Variants in PARP2 observed in about 807,000 individuals in gnomAD.
PARP2 encodes poly [ADP-ribose] polymerase 2.
A neutral mutation model predicts 77.8 loss-of-function variants in PARP2; 57 were observed. That is an observed-to-expected ratio of 0.73 (90% CI 0.59 to 0.91). PARP2 has a LOEUF of 0.91. PARP2 is among the 40% of genes least tolerant of loss of function. The probability of loss-of-function intolerance (pLI) is 0.00; values close to 1 mark genes in which losing one functional copy is unlikely to be tolerated. For synonymous variants in PARP2, 226 were observed against 242.6 expected (o/e 0.93, Z 0.64); for missense variants, 651 against 689.0 (o/e 0.94, Z 0.62).
At chr14:20,354,368 G>A in intron 8 of PARP2, 121 bp downstream of exon 8, 1 of 835,538 alleles carries the variant, frequency 1.2e-6, no homozygotes, top group South Asian at 1.8e-5. Context: ...AATGGGATTT[G>A]GGGTGACAGG....
At position 20,356,646 on chromosome 14, in the gene PARP2, G is replaced by A. The variant is rs780183224; in HGVS notation, c.1286G>A (p.Gly429Glu). Residue 429 changes from glycine to glutamate, a missense_variant, in exon 13 of 16, where the codon GGG becomes GAG. Coordinates refer to ENST00000429687, the MANE Select transcript of PARP2 (RefSeq NM_001042618.2). Reference protein sequence around the residue: ...MSNWVGILSHGLRIAPPEAPI... With the variant: ...MSNWVGILSHELRIAPPEAPI... ...AACTGGGTGGGAATCTTGAGCCATG[G>A]GCTTCGAATTGCCCCACCTGAAGCT... 1.9e-6 allele frequency: 3 copies of A among 1,614,074 alleles called. No homozygotes were observed. The highest frequency in any genetic ancestry group is 2.5e-6 in the Non-Finnish European group (3 of 1,179,986).
intron 4 of PARP2, 74 bp downstream of exon 4, chr14:20,346,987 C>A: frequency 4.3e-6 from 4 of 938,804 alleles, no homozygotes; most frequent in Non-Finnish European, 6.9e-6. Context: ...GATAGCATCA[C>A]AGTGTTCAGA....
chr14:20,354,433 A>G (rs1301146939), intron 8 of PARP2, among the ~76,000 whole-genome samples, 186 bp downstream of exon 8: 1 of 152,276 alleles, frequency 6.6e-6, no homozygotes, highest in Non-Finnish European at 1.5e-5. Flanking sequence ...GTGATGGGTC[A>G]TGCCTATAAT....
chr14:20,356,209 A>T, intron 11 of PARP2, 98 bp from the exon 12 acceptor site: 1 of 1,472,398 alleles, frequency 6.8e-7, no homozygotes, highest in Non-Finnish European at 9.3e-7. Flanking sequence ...GTTTGGGAGC[A>T]GAAAGGTCTG....
chr14:20,353,419 AT>A (rs964849018), intron 7 of PARP2, among the ~76,000 whole-genome samples: 1 of 150,526 alleles, frequency 6.6e-6, no homozygotes, highest in African/African-American at 2.4e-5. Flanking sequence ...TTTTTTTTGT[AT>A]TTTTAGTAGA....
At chr14:20,356,972 A>G (rs916374931) in intron 13 of PARP2, 79 bp from the exon 14 acceptor site, 4 of 915,418 alleles carry the variant, frequency 4.4e-6, no homozygotes, top group Non-Finnish European at 7.3e-6. Flanking sequence ...GGGAATGGAA[A>G]AACAGGGTCA....
At chr14:20,345,330 T>G (rs1345564026) in intron 2 of PARP2, 64 bp from the exon 3 acceptor site, 1 of 1,426,048 alleles carries the variant, frequency 7.0e-7, no homozygotes, top group African/African-American at 1.4e-5. Context: ...CCTGACAAGT[T>G]TCTGTTTTAC....
At chr14:20,353,079 C>G (rs1272576597) in intron 7 of PARP2, 1 of 151,566 alleles carries the variant, frequency 6.6e-6, no homozygotes, top group African/African-American at 2.4e-5. Flanking sequence ...AGGGTTTCAT[C>G]ATGTTGGCCA....
At chr14:20,357,218 AC>A (rs1884190999) in intron 14 of PARP2, 69 bp downstream of exon 14, 5 of 1,373,632 alleles carry the variant, frequency 3.6e-6, no homozygotes, top group Non-Finnish European at 5.2e-6. Flanking sequence ...GAAAAGTTTG[AC>A]CCCAGAACCA....
chr14:20,343,661 G>A lies in PARP2; in HGVS notation c.20G>A (p.Arg7Gln), dbSNP rs754797447. The A allele has an allele frequency of 2.5e-6, 4 of 1,610,686 alleles. No individual in the cohort carries two copies. In the African/African-American group the frequency reaches 4.0e-5, roughly 16 times the overall value. Residue 7 changes from arginine (R) to glutamine (Q), a missense_variant, in exon 1 of 16, where the codon CGG (arginine) becomes CAG (glutamine). Arg to Gln is a conservative substitution (Grantham distance 43, BLOSUM62 1). Coordinates refer to ENST00000429687, the MANE Select transcript of PARP2 (RefSeq NM_001042618.2). Reference sequence around the variant, plus strand: ...AATTCCATGGCGGCGCGGCGGCGACGGAGCACCGGCGGCGGCAGGGCGAGA... The same window carrying A: ...AATTCCATGGCGGCGCGGCGGCGACAGAGCACCGGCGGCGGCAGGGCGAGA... MAARRR[R>Q]STGGGRARAL...
chr14:20,353,026 G>A (rs2249141), intron 7 of PARP2: 15,446 of 151,842 alleles, frequency 0.1, 1,247 homozygotes, highest in African/African-American at 0.21. Flanking sequence ...ACAGGTGCCC[G>A]CCACTATGCC....
chr14:20,347,828 C>T (rs1275570216), intron 4 of PARP2, among the ~76,000 whole-genome samples: 1 of 151,300 alleles, frequency 6.6e-6, no homozygotes, highest in Non-Finnish European at 1.5e-5. Flanking sequence ...AATTTCATAT[C>T]ATTTATTGAA....
In PARP2 at chr14:20,351,058, G is replaced by A. The variant is rs1883936378; in HGVS notation, c.433G>A (p.Gly145Arg). The A allele has an allele frequency of 1.2e-6, 2 of 1,613,706 alleles. No homozygotes were observed. Among genetic ancestry groups the A allele is most frequent in the Admixed American group, 1.7e-5 (1 of 59,990 alleles). ...CATTTCCTTTGCAGTTGGGAAAATG[G>A]GACAGCACAGCCTGGTGGCTTGTTC... ...WMRWGRVGKM[G>R]QHSLVACSGN... The change falls in exon 6 of 16, where the codon GGA becomes AGA. Residue 145 changes from glycine to arginine, a missense_variant. Coordinates refer to ENST00000429687, the MANE Select transcript of PARP2 (RefSeq NM_001042618.2).
intron 7 of PARP2, chr14:20,352,876 GTTC>G (rs1176704560): frequency 8.0e-6 from 1 of 125,478 alleles, no homozygotes; most frequent in Admixed American, 7.7e-5. Flanking sequence ...ATTTACTAAG[GTTC>G]TTTTTTTTTT....
rs1884193585 is a variant in PARP2, at chr14:20,357,303, G to A, written c.1429-93G>A. On this transcript the variant is annotated intron_variant, in intron 14 of 15. Coordinates refer to ENST00000429687, the MANE Select transcript of PARP2 (RefSeq NM_001042618.2). Reference sequence around the variant, plus strand: ...TACATTGGATTCCTCTGCTGGAGTAGGGGAAAAAAGTACTGATGGGATTTT... The same window carrying A: ...TACATTGGATTCCTCTGCTGGAGTAAGGGAAAAAAGTACTGATGGGATTTT... 5.6e-6 allele frequency: 8 copies of A among 1,440,218 alleles called. No individual in the cohort carries two copies. The Admixed American group carries it at 9.5e-5, about 17-fold the overall frequency. 89.2% of individuals were successfully genotyped at this position (1,440,218 alleles called of 1,614,324 possible).
chr14:20,344,034 T>C (rs959503456), intron 1 of PARP2, among the ~76,000 whole-genome samples: 6 of 152,198 alleles, frequency 3.9e-5, no homozygotes, highest in African/African-American at 1.4e-4. Flanking sequence ...ATGTCATCCA[T>C]TGTAAGATGC....
At chr14:20,350,455 A>C (rs2138931124) in intron 4 of PARP2, 71 bp from the exon 5 acceptor site, 1 of 736,086 alleles carries the variant, frequency 1.4e-6, no homozygotes, top group East Asian at 2.5e-5. Context: ...GTGACGAAGG[A>C]TGAGTCATTG....
chr14:20,352,548 G>T, intron 7 of PARP2: 37 of 237,398 alleles, frequency 1.6e-4, no homozygotes, highest in Non-Finnish European at 2.0e-4. Flanking sequence ...CTGCCCAGCT[G>T]ATTTTTTTTC....
chr14:20,346,017 G>A (rs1048781836), intron 3 of PARP2, among the ~76,000 whole-genome samples: 1 of 152,162 alleles, frequency 6.6e-6, no homozygotes, highest in Non-Finnish European at 1.5e-5. Context: ...CCATTCATGA[G>A]AAATCCACTT....
Sources: gnomAD v4.1 joint callset for allele counts (sites outside exome capture counted in the v4.1 genomes callset) on GRCh38, gnomAD v4.1.1 for gene constraint, MANE v1.5 for transcripts, NCBI Gene and HGNC (gene_info 2026-07-23, HGNC 2026-07-21) for gene names.